Variants in TMTC4 observed in about 807,000 individuals in gnomAD.
TMTC4 encodes the protein transmembrane O-mannosyltransferase targeting cadherins 4.
TMTC4 carries 65 observed loss-of-function variants against 86.0 expected under a neutral mutation model. The ratio of observed to expected loss-of-function variants is 0.76; its 90% CI spans 0.62 to 0.93. The LOEUF (loss-of-function observed/expected upper bound fraction) is 0.93, where lower values mean the gene tolerates loss of function less well. TMTC4 is among the 40% of genes least tolerant of loss of function. The pLI is 0.00. For missense variants in TMTC4, 866 were observed against 948.1 expected, an observed-to-expected ratio of 0.91 and a Z score of 1.14; for synonymous variants, 379 against 382.5, an observed-to-expected ratio of 0.99 and a Z score of 0.11.
intron 6 of TMTC4, among the ~76,000 whole-genome samples, chr13:100,654,820 C>T (rs902587044): frequency 6.6e-6 from 1 of 152,064 alleles, no homozygotes; most frequent in Non-Finnish European, 1.5e-5. Context: ...TCTATCATAT[C>T]TCCTAAATGA....
intron 6 of TMTC4, among the ~76,000 whole-genome samples, chr13:100,649,614 C>G (rs1263113864): frequency 1.3e-5 from 2 of 151,998 alleles, no homozygotes; most frequent in Non-Finnish European, 2.9e-5. Flanking sequence ...ATTTTTCTTG[C>G]AATTATGAGA....
chr13:100,670,570 C>T lies in TMTC4; in HGVS notation c.-207-1G>A. 1.9e-6 allele frequency: 1 copy of T among 533,850 alleles called. No individual in the cohort carries two copies. Among genetic ancestry groups the T allele is most frequent in the Non-Finnish European group, 3.3e-6 (1 of 306,086 alleles). 33.1% of individuals were successfully genotyped at this position (533,850 alleles called of 1,614,324 possible). ...ACCACTTCTCGAATCTAAATTACAA[C>T]TGCAAACACAACACAGGTTAGCACA... On this transcript the variant is annotated splice_acceptor_variant, in intron 1 of 18. Coordinates refer to ENST00000342624, the MANE Select transcript of TMTC4 (RefSeq NM_032813.5). LOFTEE classifies it low-confidence loss of function (5UTR_SPLICE).
At chr13:100,656,927 A>T (rs1885191649) in intron 5 of TMTC4, among the ~76,000 whole-genome samples, 2 of 152,176 alleles carry the variant, frequency 1.3e-5, no homozygotes, top group African/African-American at 4.8e-5. Flanking sequence ...GTAGCTGTGC[A>T]ATAGTGCTTG....
intron 5 of TMTC4, among the ~76,000 whole-genome samples, chr13:100,657,651 C>T (rs780311599): frequency 2.0e-5 from 3 of 152,154 alleles, no homozygotes; most frequent in Non-Finnish European, 4.4e-5. Flanking sequence ...GTCCAGGTAT[C>T]GCTTTAAAGG....
intron 17 of TMTC4, among the ~76,000 whole-genome samples, chr13:100,609,144 C>T (rs903095289): frequency 3.9e-5 from 6 of 152,150 alleles, no homozygotes; most frequent in Non-Finnish European, 7.3e-5. Flanking sequence ...TGCATTGGGG[C>T]TGAAGTCTGC....
intron 1 of TMTC4, chr13:100,674,451 C>A (rs1280908031): frequency 1.1e-6 from 1 of 902,320 alleles, no homozygotes; most frequent in Non-Finnish European, 1.3e-6. Flanking sequence ...GGGGCGGCGA[C>A]CTCTGCCCGG....
At position 100,614,343 on chromosome 13, in the gene TMTC4, T is replaced by A; in HGVS notation, c.1924A>T (p.Asn642Tyr). ...GTATTGTCGAGGAGTATAATCATGTTGTTCCAGGCCAGGCTGTGCTCTGGT... is the reference window on the plus strand; with the variant it reads ...GTATTGTCGAGGAGTATAATCATGTAGTTCCAGGCCAGGCTGTGCTCTGGT... ...LKPEHSLAWN[N>Y]MIILLDNTGN... The change falls in exon 16 of 19, where the codon AAC becomes TAC. Residue 642 changes from asparagine to tyrosine, a missense_variant. Physicochemically the swap from Asn to Tyr is moderately radical, Grantham distance 143. Coordinates refer to ENST00000342624, the MANE Select transcript of TMTC4 (RefSeq NM_032813.5). The A allele has an allele frequency of 6.2e-7, 1 of 1,614,020 alleles. No homozygotes were observed. Among genetic ancestry groups the A allele is most frequent in the Non-Finnish European group, 8.5e-7 (1 of 1,180,002 alleles).
rs746609652 is a variant in TMTC4 at position 100,664,327 on chromosome 13, C to T, written c.229G>A (p.Ala77Thr). Residue 77 changes from alanine to threonine, a missense_variant, in exon 4 of 19, where the codon GCA becomes ACA. Ala to Thr is a moderately conservative substitution (Grantham distance 58, BLOSUM62 0). Transcript: ENST00000342624. ...CACAGGTCCCCCAGGGGCGTTTCTG[C>T]TTGGAGGTCCTGCAGGGTCACAAAG... ...EAIVNNKDLQAETPLGDLWHH... is the reference protein window; with the variant it reads ...EAIVNNKDLQTETPLGDLWHH... 2 of 1,608,260 alleles carry T rather than the reference C, an allele frequency of 1.2e-6. No homozygotes were observed. Among genetic ancestry groups the T allele is most frequent in the Non-Finnish European group, 1.7e-6 (2 of 1,177,156 alleles).
intron 6 of TMTC4, among the ~76,000 whole-genome samples, chr13:100,655,673 CACT>C (rs1885019669): frequency 1.3e-5 from 2 of 152,344 alleles, no homozygotes; most frequent in Non-Finnish European, 2.9e-5. Context: ...AAGTTACCAC[CACT>C]GTTCTCAATA....
chr13:100,647,760 C>A (rs1841321500), intron 6 of TMTC4, among the ~76,000 whole-genome samples: 1 of 152,190 alleles, frequency 6.6e-6, no homozygotes, highest in African/African-American at 2.4e-5. Context: ...AAGTGATGGG[C>A]TCCTCTAGAA....
rs1186048951 is a variant in TMTC4 at position 100,604,557 on chromosome 13, TA to T, written c.*436del. ...AAACTTAATTTGCTTTGTCATTAAA[TA>T]AAAATGCTAATATATAGACATGTTC... is the stretch of plus-strand genomic sequence containing the variant. On this transcript the variant is annotated 3_prime_UTR_variant, in exon 19 of 19. Transcript: ENST00000342624. The T allele has an allele frequency of 1.3e-5, 2 of 152,504 alleles. No homozygotes were observed. Among genetic ancestry groups the T allele is most frequent in the Non-Finnish European group, 2.9e-5 (2 of 68,284 alleles). The allele number at this position is 152,504 out of a possible 1,614,324, so 9.4% of individuals were successfully genotyped here. A position where few individuals can be genotyped will look rare whatever the true frequency, so the allele number is the denominator to read the frequency against.
intron 16 of TMTC4, among the ~76,000 whole-genome samples, 161 bp from the exon 17 acceptor site, chr13:100,612,671 A>G (rs1172788232): frequency 1.3e-5 from 2 of 150,814 alleles, no homozygotes; most frequent in African/African-American, 4.9e-5. Context: ...ACACACACAC[A>G]CACACACACA....
intron 12 of TMTC4, among the ~76,000 whole-genome samples, chr13:100,629,317 G>A (rs1298501879): frequency 1.3e-5 from 2 of 152,134 alleles, no homozygotes; most frequent in Admixed American, 6.5e-5. Context: ...CAACAGTCAC[G>A]GTGAATGGTA....
At chr13:100,651,471 C>G (rs1417447953) in intron 6 of TMTC4, among the ~76,000 whole-genome samples, 2 of 105,476 alleles carry the variant, frequency 1.9e-5, no homozygotes, top group Non-Finnish European at 3.6e-5. Flanking sequence ...TTGCAAAGAT[C>G]TTGCTAGATG....
intron 1 of TMTC4, among the ~76,000 whole-genome samples, chr13:100,672,155 T>C (rs1887193696): frequency 6.6e-6 from 1 of 152,226 alleles, no homozygotes; most frequent in African/African-American, 2.4e-5. Context: ...TAGCCGCTGC[T>C]TCCCAGTCCC....
chr13:100,659,124 C>T lies in TMTC4; in HGVS notation c.553-2656G>A, dbSNP rs9585478. ...AATCCCTCTGAATCCTTAAAGCAGG[C>T]GGCACCATTGTTTCCCCAGTAGGTA... is the stretch of plus-strand genomic sequence containing the variant. On this transcript the variant is annotated intron_variant, in intron 5 of 18. Transcript: ENST00000342624. Among the ~76,000 whole-genome samples the T allele has an allele frequency of 3.4e-3, 525 of 152,222 alleles. 3 individuals are homozygous for T. Among genetic ancestry groups the T allele is most frequent in the African/African-American group, 0.012 (484 of 41,540 alleles).
chr13:100,664,395 C>T, intron 3 of TMTC4, 59 bp from the exon 4 acceptor site: 1 of 1,246,444 alleles, frequency 8.0e-7, no homozygotes, highest in Non-Finnish European at 1.1e-6. Flanking sequence ...CTAAGCCAAG[C>T]TCCTCCATCT....
At chr13:100,665,169 G>A (rs1042128017) in intron 3 of TMTC4, among the ~76,000 whole-genome samples, 1 of 152,144 alleles carries the variant, frequency 6.6e-6, no homozygotes, top group African/African-American at 2.4e-5. Context: ...TACTACAGAT[G>A]TTTAAAAATG....
chr13:100,668,650 T>C lies in TMTC4; in HGVS notation c.148A>G (p.Ile50Val), dbSNP rs1886689835. ...WAKLVVGSVA[I>V]VCFARSYDGD... ...TCATAGCTGCGTGCAAAACACACAA[T>C]GGCAACCGATCCCACTACTAACTTA... Residue 50 changes from isoleucine to valine, a missense_variant, in exon 3 of 19, where the codon ATT becomes GTT. By Grantham distance (29) the Ile-to-Val change is conservative. Coordinates refer to ENST00000342624, the MANE Select transcript of TMTC4 (RefSeq NM_032813.5). 6.2e-7 allele frequency: 1 copy of C among 1,614,150 alleles called. No individual in the cohort carries two copies. Among genetic ancestry groups the C allele is most frequent in the Non-Finnish European group, 8.5e-7 (1 of 1,180,038 alleles).
Sources: allele counts gnomAD v4.1 joint callset (sites outside exome capture counted in the v4.1 genomes callset), GRCh38; gene constraint gnomAD v4.1.1; transcripts MANE v1.5; gene names NCBI Gene and HGNC (gene_info 2026-07-23, HGNC 2026-07-21).